GPER1: variants seen among roughly 807,000 people sequenced by gnomAD.
GPER1 encodes G protein-coupled receptor 30.
Under a neutral mutation model 0.6 loss-of-function variants are expected in GPER1, and 2 were observed. The observed-to-expected ratio is 3.41, with a 90% CI of 1.39 to 10.72. GPER1 has a LOEUF of 10.72. Among genes scored for constraint, GPER1 ranks in the 30% most tolerant of loss-of-function variants. The pLI, the probability that GPER1 is intolerant of heterozygous loss-of-function variation, is 0.04. For synonymous variants in GPER1, 263 were observed against 247.6 expected, an observed-to-expected ratio of 1.06 and a Z score of -0.58; for missense variants, 441 against 535.2, an observed-to-expected ratio of 0.82 and a Z score of 1.74.
At position 1,091,750 on chromosome 7, in the gene GPER1, C is replaced by T. The variant is rs776064895; in HGVS notation, c.22C>T (p.Arg8Trp). 29 of 1,535,318 alleles carry T rather than the reference C, an allele frequency of 1.9e-5. No individual in the cohort carries two copies. Among genetic ancestry groups the T allele is most frequent in the Middle Eastern group, 1.8e-4 (1 of 5,710 alleles). ...AGACATGGATGTGACTTCCCAAGCC[C>T]GGGGCGTGGGCCTGGAGATGTACCC... MDVTSQA[R>W]GVGLEMYPGT... The change falls in exon 2 of 2, where the codon CGG becomes TGG. Residue 8 changes from arginine to tryptophan, a missense_variant. Coordinates refer to ENST00000397088, the MANE Select transcript of GPER1 (RefSeq NM_001098201.3).
Position 1,092,698 on chromosome 7 carries a change from T to G in GPER1, c.970T>G (p.Tyr324Asp), listed in dbSNP as rs764618566. 7 of 1,613,496 alleles carry G rather than the reference T, an allele frequency of 4.3e-6. No individual in the cohort carries two copies. The highest frequency in any genetic ancestry group is 5.1e-6 in the Non-Finnish European group (6 of 1,180,022). Residue 324 changes from tyrosine to aspartate, a missense_variant, in exon 2 of 2, where the codon TAC (tyrosine) becomes GAC (aspartate). Tyr to Asp is a radical substitution (Grantham distance 160). Transcript: ENST00000397088. ...CAACAGCTGCCTAAACCCCCTCATC[T>G]ACAGCTTTCTCGGGGAGACCTTCAG... is the stretch of plus-strand genomic sequence containing the variant. ...FSNSCLNPLI[Y>D]SFLGETFRDK...
In GPER1 at chr7:1,093,293, C is replaced by T. The variant is rs1788215402; in HGVS notation, c.*437C>T. 4 of 429,432 alleles carry T rather than the reference C, an allele frequency of 9.3e-6. No individual in the cohort carries two copies. The highest frequency in any genetic ancestry group is 4.1e-5 in the African/African-American group (2 of 49,288). 26.6% of individuals were successfully genotyped at this position (429,432 alleles called of 1,614,324 possible). On this transcript the variant is annotated 3_prime_UTR_variant, in exon 2 of 2. Coordinates refer to ENST00000397088, the MANE Select transcript of GPER1 (RefSeq NM_001098201.3). Reference sequence around the variant, plus strand: ...AAATCTGCCACCGTGGGGGAACTGACGCTGGAGATGCAAGGTGCTGGTGGG... The same window carrying T: ...AAATCTGCCACCGTGGGGGAACTGATGCTGGAGATGCAAGGTGCTGGTGGG...
chr7:1,091,720 T>C lies in GPER1; in HGVS notation c.-9T>C, dbSNP rs3802141. On this transcript the variant is annotated 5_prime_UTR_variant, in exon 2 of 2. Transcript: ENST00000397088. ...TCGGCAAATCTTGAAAGCTGCACGG[T>C]GCAGAGACATGGATGTGACTTCCCA... The C allele has an allele frequency of 0.62, 946,347 of 1,514,496 alleles. 298,678 individuals are homozygous for C. The highest frequency in any genetic ancestry group is 0.8 in the African/African-American group (57,598 of 71,870). The allele number at this position is 1,514,496 out of a possible 1,614,324, so 93.8% of individuals were successfully genotyped here.
rs1315461970 is a variant in GPER1, at chr7:1,092,574, C to T, written c.846C>T (p.His282=). The T allele has an allele frequency of 6.2e-7, 1 of 1,610,910 alleles. No individual in the cohort carries two copies. The highest frequency in any genetic ancestry group is 1.1e-5 in the South Asian group (1 of 91,086). ...WLPENVFISV[H]LLQRTQPGAA... ...CGGAGAACGTCTTCATCAGCGTGCA[C>T]CTCCTGCAGCGGACGCAGCCTGGGG... Residue 282 remains histidine, a synonymous_variant, in exon 2 of 2, where the codon CAC becomes CAT. Transcript: ENST00000397088.
rs1788056166 is a variant in GPER1 at position 1,092,145 on chromosome 7, C to T, written c.417C>T (p.Val139=). Residue 139 remains valine, a synonymous_variant, in exon 2 of 2, where the codon GTC becomes GTT. Coordinates refer to ENST00000397088, the MANE Select transcript of GPER1 (RefSeq NM_001098201.3). ...LCTFMSLFLQ[V]NMYSSVFFLT... ...CCTTCATGTCGCTCTTCCTGCAGGT[C>T]AACATGTACAGCAGCGTCTTCTTCC... 6.2e-7 allele frequency: 1 copy of T among 1,613,598 alleles called. No homozygotes were observed. The highest frequency in any genetic ancestry group is 8.5e-7 in the Non-Finnish European group (1 of 1,179,966).
rs750305816 is a variant in GPER1, at chr7:1,093,506, G to A, written c.*650G>A. The stretch of plus-strand genomic sequence containing the variant: ...CACGAGGAGCAGCAGCGCTCGGCCC[G>A]GAGCAGCAGGAAGGCCCCTCTGTGG... On this transcript the variant is annotated 3_prime_UTR_variant, in exon 2 of 2. Coordinates refer to ENST00000397088, the MANE Select transcript of GPER1 (RefSeq NM_001098201.3). 8.5e-6 allele frequency: 4 copies of A among 470,650 alleles called. No individual in the cohort carries two copies. Among genetic ancestry groups the A allele is most frequent in the South Asian group, 3.1e-5 (2 of 64,564 alleles). 29.2% of individuals were successfully genotyped at this position (470,650 alleles called of 1,614,324 possible). A position where few individuals can be genotyped will look rare whatever the true frequency, so the allele number is the denominator to read the frequency against.
chr7:1,087,133 A>G (rs1339318020), upstream of GPER1: 1 of 152,248 alleles, frequency 6.6e-6, no homozygotes, highest in Non-Finnish European at 1.5e-5. Flanking sequence ...AGCGGCCCCG[A>G]GAGTCCGGGG....
In GPER1 at chr7:1,091,578, C is replaced by T; in HGVS notation, c.-151C>T. 5.8e-6 allele frequency: 4 copies of T among 683,884 alleles called. No homozygotes were observed. The highest frequency in any genetic ancestry group is 1.0e-5 in the Non-Finnish European group (4 of 390,168). 42.4% of individuals were successfully genotyped at this position (683,884 alleles called of 1,614,324 possible). Reference sequence around the variant, plus strand: ...CAGTTAACAAACCCAACCCAAACCACCACAGGTGCTCCTCCTGGGGAGTTT... The same window carrying T: ...CAGTTAACAAACCCAACCCAAACCATCACAGGTGCTCCTCCTGGGGAGTTT... On this transcript the variant is annotated 5_prime_UTR_variant, in exon 2 of 2. Coordinates refer to ENST00000397088, the MANE Select transcript of GPER1 (RefSeq NM_001098201.3).
chr7:1,089,168 T>C, intron 1 of GPER1, among the ~76,000 whole-genome samples: 1 of 152,084 alleles, frequency 6.6e-6, no homozygotes, highest in South Asian at 2.1e-4. Context: ...AGAGGCGAAA[T>C]GCGGAGTCTT....
At chr7:1,089,230 T>A (rs1787690484) in intron 1 of GPER1, among the ~76,000 whole-genome samples, 1 of 152,228 alleles carries the variant, frequency 6.6e-6, no homozygotes, top group South Asian at 2.1e-4. Flanking sequence ...TGTTCAATGG[T>A]ATTATCTACT....
Position 1,091,613 on chromosome 7 carries a change from C to A in GPER1, c.-116C>A, listed in dbSNP as rs979656946. On this transcript the variant is annotated 5_prime_UTR_variant, in exon 2 of 2. Coordinates refer to ENST00000397088, the MANE Select transcript of GPER1 (RefSeq NM_001098201.3). Reference sequence around the variant, plus strand: ...TCCTCCTGGGGAGTTTCCTGTCTGACAAATGCCAGGCTCACTTCAAGGAGA... The same window carrying A: ...TCCTCCTGGGGAGTTTCCTGTCTGAAAAATGCCAGGCTCACTTCAAGGAGA... The A allele has an allele frequency of 6.9e-6, 6 of 871,952 alleles. No homozygotes were observed. In the African/African-American group the frequency reaches 8.4e-5, roughly 12 times the overall value. 54.0% of individuals were successfully genotyped at this position (871,952 alleles called of 1,614,324 possible).
chr7:1,093,524 C>T lies in GPER1; in HGVS notation c.*668C>T. 4.2e-6 allele frequency: 2 copies of T among 470,990 alleles called. No homozygotes were observed. Among genetic ancestry groups the T allele is most frequent in the Non-Finnish European group, 8.8e-6 (2 of 227,070 alleles). 29.2% of individuals were successfully genotyped at this position (470,990 alleles called of 1,614,324 possible). A position where few individuals can be genotyped will look rare whatever the true frequency, so the allele number is the denominator to read the frequency against. On this transcript the variant is annotated 3_prime_UTR_variant, in exon 2 of 2. Coordinates refer to ENST00000397088, the MANE Select transcript of GPER1 (RefSeq NM_001098201.3). ...TCGGCCCGGAGCAGCAGGAAGGCCC[C>T]TCTGTGGAGCGCCCGCCGTCTGCTC...
intron 1 of GPER1, among the ~76,000 whole-genome samples, chr7:1,090,472 CG>C (rs960532082): frequency 2.6e-5 from 4 of 151,484 alleles, no homozygotes; most frequent in African/African-American, 9.7e-5. Flanking sequence ...CAGGGTGACA[CG>C]GGGTGGGTGA....
intron 1 of GPER1, among the ~76,000 whole-genome samples, chr7:1,090,551 C>T (rs564136660): frequency 5.6e-4 from 84 of 149,342 alleles, no homozygotes; most frequent in South Asian, 4.2e-3. Flanking sequence ...TACCCACTGG[C>T]GGCAGAGCCG....
intron 1 of GPER1, among the ~76,000 whole-genome samples, chr7:1,089,696 T>C (rs1245209712): frequency 4.0e-5 from 6 of 149,712 alleles, no homozygotes; most frequent in Admixed American, 6.7e-5. Context: ...GTGCTGGGAT[T>C]ATAGGCCAGC....
At chr7:1,087,664 T>G (rs1787521093), upstream of GPER1, among the ~76,000 whole-genome samples, 1 of 152,214 alleles carries the variant, frequency 6.6e-6, no homozygotes. Context: ...CTAAGTTACT[T>G]GTCAGAAATG....
In GPER1 at chr7:1,092,934, C is replaced by T. The variant is rs774362025; in HGVS notation, c.*78C>T. The stretch of plus-strand genomic sequence containing the variant: ...CCTGGGTGGACACAAGGCACGGCCA[C>T]GTCATGTCTCTAAACTGCGGTCAGA... On this transcript the variant is annotated 3_prime_UTR_variant, in exon 2 of 2. Transcript: ENST00000397088. The T allele has an allele frequency of 1.1e-4, 142 of 1,339,060 alleles. 1 individual carries two copies. Among genetic ancestry groups the T allele is most frequent in the Non-Finnish European group, 1.4e-4 (137 of 946,444 alleles). 82.9% of individuals were successfully genotyped at this position (1,339,060 alleles called of 1,614,324 possible).
At chr7:1,091,083 C>T (rs2128226352) in intron 1 of GPER1, among the ~76,000 whole-genome samples, 1 of 152,300 alleles carries the variant, frequency 6.6e-6, no homozygotes, top group East Asian at 1.9e-4. Flanking sequence ...GCGGCCGTGC[C>T]CATACCTTCA....
rs756699715 is a variant in GPER1 at position 1,092,505 on chromosome 7, C to T, written c.777C>T (p.Arg259=). The T allele has an allele frequency of 3.1e-6, 5 of 1,607,968 alleles. No homozygotes were observed. The highest frequency in any genetic ancestry group is 4.2e-6 in the Non-Finnish European group (5 of 1,179,870). ...GLRPRRQKAL[R]MILAVVLVFF... is the part of the protein sequence containing the mutation. Reference sequence around the variant, plus strand: ...GGCCCCGGCGGCAGAAGGCGCTCCGCATGATCCTCGCGGTGGTGCTGGTCT... The same window carrying T: ...GGCCCCGGCGGCAGAAGGCGCTCCGTATGATCCTCGCGGTGGTGCTGGTCT... Residue 259 remains arginine, a synonymous_variant, in exon 2 of 2, where the codon CGC becomes CGT. Transcript: ENST00000397088.
Sources: gnomAD v4.1 joint callset for allele counts (sites outside exome capture counted in the v4.1 genomes callset) on GRCh38, gnomAD v4.1.1 for gene constraint, MANE v1.5 for transcripts, NCBI Gene and HGNC (gene_info 2026-07-23, HGNC 2026-07-21) for gene names.